The following LDB2 variants were observed in gnomAD, a reference collection of about 807,000 sequenced individuals.
LDB2 encodes LIM domain binding 2.
LDB2 carries 12 observed loss-of-function variants against 44.3 expected under a neutral mutation model. That is an observed-to-expected ratio of 0.27 (90% CI 0.17 to 0.44). LDB2 has a LOEUF of 0.44. LDB2 is among the 20% of genes least tolerant of loss of function. The pLI, the probability that LDB2 is intolerant of heterozygous loss-of-function variation, is 1.00. For synonymous variants in LDB2, 164 were observed against 174.8 expected, an observed-to-expected ratio of 0.94 and a Z score of 0.49; for missense variants, 344 against 473.5, an observed-to-expected ratio of 0.73 and a Z score of 2.54.
intron 1 of LDB2, among the ~76,000 whole-genome samples, chr4:16,784,280 T>C (rs1420678728): frequency 6.6e-6 from 1 of 152,176 alleles, no homozygotes; most frequent in African/African-American, 2.4e-5. Flanking sequence ...ACCAAGCTCC[T>C]GGAAGTCCAA....
rs144325158 is a variant in LDB2 at position 16,639,172 on chromosome 4, A to T, written c.236-43297T>A. Among the ~76,000 whole-genome samples the T allele has an allele frequency of 4.0e-3, 603 of 152,334 alleles. 7 individuals carry two copies. The highest frequency in any genetic ancestry group is 0.031 in the South Asian group (151 of 4,824). ...CACATTTTTCCCCCTGAATGATTAT[A>T]TGTAGAATTCACTCTAGGTAAAATG... On this transcript the variant is annotated intron_variant, in intron 2 of 7. Transcript: ENST00000304523.
At chr4:16,830,276 TC>T (rs1372257838) in intron 1 of LDB2, among the ~76,000 whole-genome samples, 2 of 152,146 alleles carry the variant, frequency 1.3e-5, no homozygotes, top group Non-Finnish European at 1.5e-5. Flanking sequence ...CCCACGCTGT[TC>T]TCATGACAGT....
chr4:16,653,175 C>T (rs915137217), intron 2 of LDB2, among the ~76,000 whole-genome samples: 11 of 152,102 alleles, frequency 7.2e-5, no homozygotes, highest in Non-Finnish European at 1.3e-4. Flanking sequence ...TCCAGCTGCC[C>T]TGACTGGAGA....
chr4:16,559,742 C>A (rs1741322043), intron 5 of LDB2, among the ~76,000 whole-genome samples: 1 of 152,128 alleles, frequency 6.6e-6, no homozygotes, highest in Admixed American at 6.5e-5. Flanking sequence ...GAACTCTCCA[C>A]CCCAAATCAA....
chr4:16,671,267 A>G (rs182654569), intron 2 of LDB2, among the ~76,000 whole-genome samples: 2,152 of 152,264 alleles, frequency 0.014, 38 homozygotes, highest in Non-Finnish European at 0.019. Flanking sequence ...CTGGAAGAAT[A>G]ATCCTTGCAA....
At chr4:16,531,822 G>A (rs1407317222) in intron 5 of LDB2, among the ~76,000 whole-genome samples, 1 of 152,182 alleles carries the variant, frequency 6.6e-6, no homozygotes, top group Non-Finnish European at 1.5e-5. Context: ...GTCTAGGAAT[G>A]TTCTGTCCAA....
rs1388096718 is a variant in LDB2 at position 16,502,572 on chromosome 4, T to TGTAA, written c.*67_*70dup. ...TTTTTATCTCTTCTGTTTCCTCTCC[T>TGTAA]GTAAGTAAAGATTTGCAATTGTAAT... is the stretch of plus-strand genomic sequence containing the variant. On this transcript the variant is annotated 3_prime_UTR_variant, in exon 8 of 8. Transcript: ENST00000304523. The TGTAA allele has an allele frequency of 7.6e-6, 12 of 1,574,582 alleles. No homozygotes were observed. Among genetic ancestry groups the TGTAA allele is most frequent in the Admixed American group, 1.7e-5 (1 of 58,798 alleles).
chr4:16,835,156 G>A (rs1422378854), intron 1 of LDB2, among the ~76,000 whole-genome samples: 1 of 152,150 alleles, frequency 6.6e-6, no homozygotes. Flanking sequence ...TAATATTTAT[G>A]TGGCATAAAA....
At chr4:16,687,748 G>A (rs578041643) in intron 2 of LDB2, among the ~76,000 whole-genome samples, 29 of 152,162 alleles carry the variant, frequency 1.9e-4, no homozygotes, top group Non-Finnish European at 3.5e-4. Flanking sequence ...GCTAGGCCTG[G>A]AGCAAAAAGG....
intron 1 of LDB2, among the ~76,000 whole-genome samples, chr4:16,819,685 G>A (rs971917079): frequency 6.6e-6 from 1 of 152,164 alleles, no homozygotes; most frequent in East Asian, 1.9e-4. Context: ...AAACACAAGT[G>A]TGAGCAATAT....
rs574993924 is a variant in LDB2 at position 16,672,973 on chromosome 4, C to T, written c.236-77098G>A. Among the ~76,000 whole-genome samples the T allele has an allele frequency of 4.0e-5, 6 of 151,570 alleles. No individual in the cohort carries two copies. The East Asian group carries it at 9.7e-4, about 25-fold the overall frequency. ...TCTCTTTTTCCTTTCTCCCTCCCTC[C>T]ATCCTTTCCTTCTTTCCCTTCCTTT... On this transcript the variant is annotated intron_variant, in intron 2 of 7. Coordinates refer to ENST00000304523, the MANE Select transcript of LDB2 (RefSeq NM_001290.5).
chr4:16,585,700 A>G (rs1716541719), intron 5 of LDB2, among the ~76,000 whole-genome samples: 1 of 152,148 alleles, frequency 6.6e-6, no homozygotes, highest in African/African-American at 2.4e-5. Flanking sequence ...CAAGAGACAT[A>G]CAGATATAGG....
At chr4:16,507,909 G>C (rs1182376496) in intron 7 of LDB2, among the ~76,000 whole-genome samples, 1 of 152,184 alleles carries the variant, frequency 6.6e-6, no homozygotes, top group Admixed American at 6.5e-5. Context: ...GGAATTCAAA[G>C]AAGTCCCCTT....
chr4:16,649,906 G>A (rs1169042780), intron 2 of LDB2, among the ~76,000 whole-genome samples: 1 of 152,162 alleles, frequency 6.6e-6, no homozygotes, highest in African/African-American at 2.4e-5. Flanking sequence ...GAAACTGGCT[G>A]AGAAAATATC....
intron 2 of LDB2, among the ~76,000 whole-genome samples, chr4:16,736,261 C>T (rs545715030): frequency 6.6e-6 from 1 of 152,170 alleles, no homozygotes; most frequent in South Asian, 2.1e-4. Context: ...CTTCTAAACC[C>T]TCCTTCACTC....
intron 2 of LDB2, among the ~76,000 whole-genome samples, chr4:16,673,025 T>C (rs1745312117): frequency 6.6e-6 from 1 of 151,832 alleles, no homozygotes; most frequent in Non-Finnish European, 1.5e-5. Flanking sequence ...TCGTTCCTTC[T>C]CTCTTTCTTC....
In LDB2 at chr4:16,648,578, T is replaced by C. The variant is rs183082825; in HGVS notation, c.236-52703A>G. Reference sequence around the variant, plus strand: ...ATTTCTGCAGGTCAAGTGAGAAAGATACTCTGGAGTTTGGCAAACTCTGTT... The same window carrying C: ...ATTTCTGCAGGTCAAGTGAGAAAGACACTCTGGAGTTTGGCAAACTCTGTT... On this transcript the variant is annotated intron_variant, in intron 2 of 7. Coordinates refer to ENST00000304523, the MANE Select transcript of LDB2 (RefSeq NM_001290.5). Among the ~76,000 whole-genome samples the C allele has an allele frequency of 7.2e-5, 11 of 152,334 alleles. No homozygotes were observed. In the South Asian group the frequency reaches 1.0e-3, roughly 14 times the overall value.
chr4:16,687,297 T>C (rs57397093), intron 2 of LDB2, among the ~76,000 whole-genome samples: 1 of 152,078 alleles, frequency 6.6e-6, no homozygotes, highest in Non-Finnish European at 1.5e-5. Context: ...GAAGCCCTCA[T>C]GAATGGGATT....
intron 2 of LDB2, chr4:16,674,350 G>T: frequency 1.9e-6 from 2 of 1,070,096 alleles, no homozygotes; most frequent in African/African-American, 1.6e-5. Flanking sequence ...TTGTCTCTGA[G>T]ATGCAAAGAT....
Sources: allele counts gnomAD v4.1 joint callset (sites outside exome capture counted in the v4.1 genomes callset), GRCh38; gene constraint gnomAD v4.1.1; transcripts MANE v1.5; gene names NCBI Gene and HGNC (gene_info 2026-07-23, HGNC 2026-07-21).